The following VPS13D variants were observed in gnomAD, a reference collection of about 807,000 sequenced individuals.
VPS13D encodes vacuolar protein sorting 13 homolog D.
Under a neutral mutation model 461.9 loss-of-function variants are expected in VPS13D, and 187 were observed. The ratio of observed to expected loss-of-function variants is 0.40; its 90% CI spans 0.36 to 0.46. VPS13D has a LOEUF of 0.46. VPS13D is among the 20% of genes least tolerant of loss of function. The pLI is 0.60. For missense variants in VPS13D, 4,711 were observed against 5,364.9 expected, an observed-to-expected ratio of 0.88 and a Z score of 3.81; for synonymous variants, 1,951 against 1,986.3, an observed-to-expected ratio of 0.98 and a Z score of 0.47.
chr1:12,396,166 C>T (rs1049195290), intron 60 of VPS13D, among the ~76,000 whole-genome samples: 3 of 151,524 alleles, frequency 2.0e-5, no homozygotes, highest in African/African-American at 7.3e-5. Context: ...GATGGGACTC[C>T]TGGGGGAGCT....
intron 3 of VPS13D, 93 bp downstream of exon 3, chr1:12,242,683 AGTTAGAGGAAG>A (rs1640417071): frequency 4.5e-6 from 5 of 1,115,586 alleles, no homozygotes; most frequent in Non-Finnish European, 4.0e-6. Flanking sequence ...TGATTTGGCC[AGTTAGAGGAAG>A]GATATAGCAA....
rs552451412 is a variant in VPS13D, at chr1:12,502,470, C to A, written c.12795-4383C>A. On this transcript the variant is annotated intron_variant, in intron 68 of 69. Coordinates refer to ENST00000620676, the MANE Select transcript of VPS13D (RefSeq NM_015378.4). This position sits in a 1 kb window ranked among gnomAD's most constrained non-coding sequence, Gnocchi z 4.3. ...ACGAGCTGAGGTCCCCTGAAGAGGGCCTGGCACTCAGAGCGACACTGGGCC... is the reference window on the plus strand; with the variant it reads ...ACGAGCTGAGGTCCCCTGAAGAGGGACTGGCACTCAGAGCGACACTGGGCC... 6.6e-6 allele frequency among the ~76,000 whole-genome samples: 1 copy of A among 152,066 alleles called. No homozygotes were observed. The highest frequency in any genetic ancestry group is 1.5e-5 in the Non-Finnish European group (1 of 67,986).
intron 54 of VPS13D, among the ~76,000 whole-genome samples, chr1:12,370,796 T>C (rs1013124433): frequency 1.1e-4 from 16 of 152,364 alleles, no homozygotes; most frequent in African/African-American, 3.6e-4. Context: ...TTTCTCCTTA[T>C]GTTCTATAAA....
At chr1:12,465,217 A>G (rs1645466605) in intron 67 of VPS13D, 1 of 152,256 alleles carries the variant, frequency 6.6e-6, no homozygotes, top group Non-Finnish European at 1.5e-5. Flanking sequence ...TCCAAATACC[A>G]TCTGTTGCAG....
chr1:12,346,642 C>A lies in VPS13D; in HGVS notation c.9059C>A (p.Pro3020His). 2 of 1,612,978 alleles carry A rather than the reference C, an allele frequency of 1.2e-6. No homozygotes were observed. Among genetic ancestry groups the A allele is most frequent in the African/African-American group, 2.7e-5 (2 of 74,986 alleles). Residue 3020 changes from proline (P) to histidine (H), a missense_variant, in exon 44 of 70, where the codon CCC becomes CAC. Pro to His is a moderately conservative substitution (Grantham distance 77). Coordinates refer to ENST00000620676, the MANE Select transcript of VPS13D (RefSeq NM_015378.4). Reference protein sequence around the residue: ...SPSSRTNIIHPQVYFSSLPPV... With the variant: ...SPSSRTNIIHHQVYFSSLPPV... ...AGCAGCAGAACAAATATTATACATCCCCAGGTTTATGTAAGTATGATTTTC... is the reference window on the plus strand; with the variant it reads ...AGCAGCAGAACAAATATTATACATCACCAGGTTTATGTAAGTATGATTTTC...
At chr1:12,294,892 T>C (rs1642231870) in intron 24 of VPS13D, among the ~76,000 whole-genome samples, 1 of 151,876 alleles carries the variant, frequency 6.6e-6, no homozygotes, top group Non-Finnish European at 1.5e-5. Flanking sequence ...AAAATAACAA[T>C]GTACTTTTGT....
chr1:12,436,807 T>G (rs1285970451), intron 65 of VPS13D, among the ~76,000 whole-genome samples: 1 of 152,154 alleles, frequency 6.6e-6, no homozygotes, highest in Non-Finnish European at 1.5e-5. Flanking sequence ...TAGCTGGGAT[T>G]ACAGGCATGC....
chr1:12,330,618 A>G (rs1464181553), intron 37 of VPS13D, among the ~76,000 whole-genome samples: 3 of 151,854 alleles, frequency 2.0e-5, no homozygotes, highest in African/African-American at 7.3e-5. Context: ...CCCAGGCTGG[A>G]GTGCAGTGGC....
intron 63 of VPS13D, among the ~76,000 whole-genome samples, chr1:12,411,100 A>G (rs928927793): frequency 1.3e-5 from 2 of 152,252 alleles, no homozygotes. Context: ...GAGTTCAGCC[A>G]GTAAAATAAG....
At chr1:12,255,494 G>A (rs1232198106) in intron 7 of VPS13D, among the ~76,000 whole-genome samples, 1 of 152,106 alleles carries the variant, frequency 6.6e-6, no homozygotes, top group Non-Finnish European at 1.5e-5. Context: ...GTCGTTGGTT[G>A]CCTCTGAGGA....
At chr1:12,361,641 CGCCTCGGCCTCCCAAAGT>C (rs1232725980) in intron 50 of VPS13D, among the ~76,000 whole-genome samples, 6 of 151,442 alleles carry the variant, frequency 4.0e-5, no homozygotes, top group African/African-American at 1.5e-4. Flanking sequence ...GTGATCCGCC[CGCCTCGGCCTCCCAAAGT>C]GCTGGGATTA....
rs150156680 is a variant in VPS13D at position 12,272,970 on chromosome 1, C to T, written c.2104-33C>T. On this transcript the variant is annotated intron_variant, in intron 17 of 69. Coordinates refer to ENST00000620676, the MANE Select transcript of VPS13D (RefSeq NM_015378.4). ...CATGGATAAAGCTGTTGGGTTTCGGCAGTTATGGTTAATGACTGTTTTATT... is the reference window on the plus strand; with the variant it reads ...CATGGATAAAGCTGTTGGGTTTCGGTAGTTATGGTTAATGACTGTTTTATT... 17 of 1,604,474 alleles carry T rather than the reference C, an allele frequency of 1.1e-5. No individual in the cohort carries two copies. The East Asian group carries it at 2.5e-4, about 23-fold the overall frequency.
chr1:12,421,890 G>A (rs929544353), intron 65 of VPS13D, among the ~76,000 whole-genome samples: 30 of 151,958 alleles, frequency 2.0e-4, no homozygotes, highest in Non-Finnish European at 3.2e-4. Context: ...GTGCAATCTC[G>A]GCTCACTGAA....
At chr1:12,415,034 A>G in intron 63 of VPS13D, 53 bp from the exon 64 acceptor site, 3 of 1,597,788 alleles carry the variant, frequency 1.9e-6, no homozygotes, top group Non-Finnish European at 2.6e-6. Context: ...TTATAGTATC[A>G]CAGAAGGCCA....
chr1:12,460,247 T>C lies in VPS13D; in HGVS notation c.12513T>C (p.Gly4171=), dbSNP rs1570219779. 11 of 1,610,548 alleles carry C rather than the reference T, an allele frequency of 6.8e-6. No homozygotes were observed. Among genetic ancestry groups the C allele is most frequent in the Non-Finnish European group, 9.3e-6 (11 of 1,178,374 alleles). Residue 4171 remains glycine, a synonymous_variant, in exon 67 of 70, where the codon GGT becomes GGC. Transcript: ENST00000620676. ...LTSVITSTVE[G]VKTEGGVSGF... is the part of the protein sequence containing the mutation. Reference sequence around the variant, plus strand: ...GTGTTATAACTTCGACAGTGGAAGGTGTGAAAACAGAAGGGGGTGTCAGCG... The same window carrying C: ...GTGTTATAACTTCGACAGTGGAAGGCGTGAAAACAGAAGGGGGTGTCAGCG...
chr1:12,266,955 C>G lies in VPS13D; in HGVS notation c.1669C>G (p.Leu557Val). The change falls in exon 14 of 70, where the codon CTT becomes GTT. Residue 557 changes from leucine to valine, a missense_variant. Physicochemically the swap from Leu to Val is conservative, Grantham distance 32. Transcript: ENST00000620676. ...TTCAGTCCGGTTGGGTGGACTGTTT[C>G]TTCGAGACCTGGCTACAGAAGGAAC... ...LLSVRLGGLF[L>V]RDLATEGTMF... 1 of 1,611,116 alleles carries G rather than the reference C, an allele frequency of 6.2e-7. No individual in the cohort carries two copies. The highest frequency in any genetic ancestry group is 8.5e-7 in the Non-Finnish European group (1 of 1,179,212).
intron 50 of VPS13D, 99 bp from the exon 51 acceptor site, chr1:12,362,621 C>T (rs1212827027): frequency 5.0e-6 from 6 of 1,202,984 alleles, no homozygotes; most frequent in African/African-American, 4.6e-5. Flanking sequence ...GTTATTTTCT[C>T]AGAGAAACTA....
At chr1:12,401,814 A>T in intron 62 of VPS13D, 110 bp downstream of exon 62, 1 of 794,116 alleles carries the variant, frequency 1.3e-6, no homozygotes, top group African/African-American at 1.7e-5. Flanking sequence ...CTCCCTTTCC[A>T]CATCTCAGCC....
chr1:12,257,914 C>G (rs768108499), intron 9 of VPS13D, 21 bp from the exon 10 acceptor site: 5 of 1,613,192 alleles, frequency 3.1e-6, no homozygotes, highest in Non-Finnish European at 4.2e-6. Context: ...GAAGTGATTA[C>G]ATCGTTATGG....
Sources: gnomAD v4.1 joint callset for allele counts (sites outside exome capture counted in the v4.1 genomes callset) on GRCh38, gnomAD v4.1.1 for gene constraint, Gnocchi (gnomAD v3.1) non-coding constraint, MANE v1.5 for transcripts, NCBI Gene and HGNC (gene_info 2026-07-23, HGNC 2026-07-21) for gene names.